MAPKAP1: variants seen among roughly 807,000 people sequenced by gnomAD.
MAPKAP1 encodes the protein MAPK associated protein 1.
MAPKAP1 carries 20 observed loss-of-function variants against 65.7 expected under a neutral mutation model. The observed-to-expected ratio is 0.30, with a 90% CI of 0.21 to 0.44. MAPKAP1 has a LOEUF of 0.44. Ranked by LOEUF, MAPKAP1 falls within the 20% of genes least tolerant of loss-of-function variation. The pLI is 1.00. For missense variants in MAPKAP1, 423 were observed against 648.0 expected (o/e 0.65, Z 3.77); for synonymous variants, 222 against 244.3 (o/e 0.91, Z 0.85).
chr9:125,635,864 A>G (rs1175447455), intron 4 of MAPKAP1, among the ~76,000 whole-genome samples: 1 of 152,214 alleles, frequency 6.6e-6, no homozygotes, highest in Non-Finnish European at 1.5e-5. Context: ...GTAGCAGTTT[A>G]TTCATGTCTG....
intron 5 of MAPKAP1, among the ~76,000 whole-genome samples, chr9:125,576,531 G>A (rs1220839197): frequency 2.6e-5 from 4 of 151,478 alleles, no homozygotes; most frequent in Admixed American, 6.6e-5. Context: ...CTCTCCCCAC[G>A]GTCTCCCTCT....
At chr9:125,531,033 C>T (rs916899025) in intron 7 of MAPKAP1, among the ~76,000 whole-genome samples, 1 of 152,214 alleles carries the variant, frequency 6.6e-6, no homozygotes, top group East Asian at 1.9e-4. Flanking sequence ...GGGCTGATGA[C>T]TTCCCTAACT....
intron 4 of MAPKAP1, among the ~76,000 whole-genome samples, chr9:125,644,265 TTTAAG>T (rs1202992493): frequency 2.0e-5 from 3 of 152,140 alleles, no homozygotes; most frequent in Admixed American, 1.3e-4. Context: ...CGTTAGCCCA[TTTAAG>T]TTATTTTCAT....
chr9:125,540,530 A>C (rs534363699), intron 7 of MAPKAP1, among the ~76,000 whole-genome samples: 4 of 152,338 alleles, frequency 2.6e-5, no homozygotes, highest in Admixed American at 2.6e-4. Flanking sequence ...CCCCTTCTTC[A>C]CTGACGTTCA....
chr9:125,548,612 A>G (rs1294084244), intron 6 of MAPKAP1, among the ~76,000 whole-genome samples: 3 of 152,212 alleles, frequency 2.0e-5, no homozygotes, highest in Middle Eastern at 3.2e-3. Context: ...AGATTGTTGT[A>G]AAGGCAAAAT....
rs916499021 is a variant in MAPKAP1, at chr9:125,459,785, G to A, written c.1345+8187C>T. Among the ~76,000 whole-genome samples, 631 of 103,068 alleles carry A rather than the reference G, an allele frequency of 6.1e-3. 6 individuals carry two copies. Among genetic ancestry groups the A allele is most frequent in the African/African-American group, 0.022 (585 of 26,602 alleles). 67.6% of individuals were successfully genotyped at this position (103,068 alleles called of 152,430 possible). On this transcript the variant is annotated intron_variant, in intron 10 of 11. Coordinates refer to ENST00000265960, the MANE Select transcript of MAPKAP1 (RefSeq NM_001006617.3). ...CAGCAGTACAGTCCAGCTTCGGCTC[G>A]GCATCAGAGGGAGACCGTGGAAAGA...
intron 4 of MAPKAP1, chr9:125,596,592 T>C (rs772166366): frequency 9.9e-5 from 67 of 674,940 alleles, no homozygotes; most frequent in Middle Eastern, 4.2e-4. Flanking sequence ...GCAGTTCCAG[T>C]AGCAGCAGTA....
intron 10 of MAPKAP1, among the ~76,000 whole-genome samples, chr9:125,466,139 G>A (rs1030454325): frequency 7.9e-5 from 12 of 152,230 alleles, no homozygotes; most frequent in Admixed American, 3.9e-4. Flanking sequence ...TAGTACTTTG[G>A]GGGACTGAGG....
chr9:125,698,143 G>A lies in MAPKAP1; in HGVS notation c.-70+8828C>T, dbSNP rs572888929. On this transcript the variant is annotated intron_variant, in intron 1 of 11. Coordinates refer to ENST00000265960, the MANE Select transcript of MAPKAP1 (RefSeq NM_001006617.3). ...CTAGTTTTGCTACTCACGCATGCGC[G>A]TTCTCGCTCTCTCTATACGTATATA... Among the ~76,000 whole-genome samples, 202 of 149,882 alleles carry A rather than the reference G, an allele frequency of 1.3e-3. 1 individual carries two copies. The highest frequency in any genetic ancestry group is 4.8e-3 in the African/African-American group (196 of 40,690).
intron 3 of MAPKAP1, among the ~76,000 whole-genome samples, chr9:125,665,018 T>C (rs1467747803): frequency 2.6e-5 from 4 of 151,972 alleles, no homozygotes; most frequent in African/African-American, 9.7e-5. Flanking sequence ...GAAGATGAAA[T>C]AGGCCAGGCA....
At chr9:125,649,925 A>G (rs1833845888) in intron 4 of MAPKAP1, among the ~76,000 whole-genome samples, 1 of 152,136 alleles carries the variant, frequency 6.6e-6, no homozygotes, top group Non-Finnish European at 1.5e-5. Flanking sequence ...TCTTCAAGAT[A>G]GTAAAATTAT....
At chr9:125,680,184 A>C (rs541272026) in intron 1 of MAPKAP1, among the ~76,000 whole-genome samples, 21 of 152,092 alleles carry the variant, frequency 1.4e-4, no homozygotes, top group African/African-American at 5.1e-4. Context: ...GAGTCCTTAA[A>C]CGTGTCATAG....
chr9:125,506,517 GTAAAGTGT>G lies in MAPKAP1; in HGVS notation c.959-108_959-101del, dbSNP rs1329796433. ...CTGGTGAAAAGCTGATAAAGCCTTA[GTAAAGTGT>G]TAAAGTCTGTCTTGAGGGTCTAGCT... On this transcript the variant is annotated intron_variant, in intron 7 of 11. Coordinates refer to ENST00000265960, the MANE Select transcript of MAPKAP1 (RefSeq NM_001006617.3). The G allele has an allele frequency of 5.0e-6, 5 of 997,154 alleles. No individual in the cohort carries two copies. The African/African-American group carries it at 8.0e-5, about 16-fold the overall frequency. The allele number at this position is 997,154 out of a possible 1,614,324, so 61.8% of individuals were successfully genotyped here.
Position 125,672,581 on chromosome 9 carries a change from T to C in MAPKAP1, c.-7A>G, listed in dbSNP as rs1254405487. ...GATTGTCCAAGAAGGCCATCCTTTC[T>C]GTGGGCCAATTTCCTTAAAAGGCTA... On this transcript the variant is annotated 5_prime_UTR_variant, in exon 2 of 12. Transcript: ENST00000265960. 6.8e-6 allele frequency: 11 copies of C among 1,612,846 alleles called. No homozygotes were observed. Among genetic ancestry groups the C allele is most frequent in the Non-Finnish European group, 9.3e-6 (11 of 1,178,874 alleles).
intron 10 of MAPKAP1, among the ~76,000 whole-genome samples, chr9:125,449,634 A>G (rs1166268554): frequency 2.0e-5 from 3 of 152,164 alleles, no homozygotes; most frequent in Admixed American, 2.0e-4. Flanking sequence ...AGAATTTAAT[A>G]CCAAGCAGAA....
At chr9:125,554,962 CA>C (rs1830695487) in intron 6 of MAPKAP1, among the ~76,000 whole-genome samples, 1 of 152,030 alleles carries the variant, frequency 6.6e-6, no homozygotes, top group Non-Finnish European at 1.5e-5. Context: ...ATATGAAAAT[CA>C]AAAGACTCAA....
At chr9:125,446,663 T>C (rs1012254442) in intron 10 of MAPKAP1, among the ~76,000 whole-genome samples, 3 of 152,080 alleles carry the variant, frequency 2.0e-5, no homozygotes, top group African/African-American at 7.3e-5. Flanking sequence ...TGCTGACAAC[T>C]GGTCACGACA....
At chr9:125,622,296 A>C (rs1304388874) in intron 4 of MAPKAP1, among the ~76,000 whole-genome samples, 1 of 152,192 alleles carries the variant, frequency 6.6e-6, no homozygotes, top group Non-Finnish European at 1.5e-5. Flanking sequence ...TCAAAAAGAT[A>C]AAAAAAGGAT....
Position 125,595,978 on chromosome 9 carries a change from A to G in MAPKAP1, c.499-10251T>C. On this transcript the variant is annotated intron_variant, in intron 4 of 11. Coordinates refer to ENST00000265960, the MANE Select transcript of MAPKAP1 (RefSeq NM_001006617.3). This position sits in a 1 kb window ranked among gnomAD's most constrained non-coding sequence, Gnocchi z 4.0. ...AGACCAGGTGCCCACTTAACTGTGA[A>G]AAAGATATTTGTTGGTGGCATTAAA... 1.3e-6 allele frequency: 2 copies of G among 1,523,376 alleles called. No individual in the cohort carries two copies. The highest frequency in any genetic ancestry group is 1.8e-6 in the Non-Finnish European group (2 of 1,113,160). The allele number at this position is 1,523,376 out of a possible 1,614,324, so 94.4% of individuals were successfully genotyped here.
Sources: allele counts gnomAD v4.1 joint callset (sites outside exome capture counted in the v4.1 genomes callset), GRCh38; gene constraint gnomAD v4.1.1; non-coding constraint Gnocchi (gnomAD v3.1); transcripts MANE v1.5; gene names NCBI Gene and HGNC (gene_info 2026-07-23, HGNC 2026-07-21).